Variants in STK36 observed in about 807,000 individuals in gnomAD.
STK36 encodes the protein serine/threonine kinase 36, also known as serine/threonine-protein kinase 36.
A neutral mutation model predicts 142.2 loss-of-function variants in STK36; 116 were observed. That is an observed-to-expected ratio of 0.82 (90% confidence interval 0.70 to 0.95). The LOEUF (loss-of-function observed/expected upper bound fraction) is 0.95, where lower values mean the gene tolerates loss of function less well. Among genes scored for constraint, STK36 ranks in the 40% least tolerant of loss-of-function variants. The pLI, the probability that STK36 is intolerant of heterozygous loss-of-function variation, is 0.00. For synonymous variants in STK36, 619 were observed against 641.7 expected, an observed-to-expected ratio of 0.96 and a Z score of 0.53; for missense variants, 1,422 against 1,617.2, an observed-to-expected ratio of 0.88 and a Z score of 2.07.
At chr2:218,687,680 T>A (rs1246057209) in intron 11 of STK36, among the ~76,000 whole-genome samples, 1 of 152,204 alleles carries the variant, frequency 6.6e-6, no homozygotes, top group Non-Finnish European at 1.5e-5. Flanking sequence ...AGCTGCGTGA[T>A]CTTGGACTAC....
In STK36 at chr2:218,699,159, G is replaced by C; in HGVS notation, c.3615G>C (p.Gln1205His). 6.2e-7 allele frequency: 1 copy of C among 1,614,090 alleles called. No homozygotes were observed. Among genetic ancestry groups the C allele is most frequent in the Non-Finnish European group, 8.5e-7 (1 of 1,180,022 alleles). The change falls in exon 26 of 27, where the codon CAG (glutamine) becomes CAC (histidine). Residue 1205 changes from glutamine to histidine, a missense_variant. Transcript: ENST00000295709. ...TGACCCAGCTGCTTGGAGATCCTCA[G>C]GCTGGTATCCGGCGCAATGTTGCAT... ...PSMTQLLGDPQAGIRRNVASA... is the reference protein window; with the variant it reads ...PSMTQLLGDPHAGIRRNVASA...
rs2106367347 is a variant in STK36, at chr2:218,698,784, CCTT to C, written c.3243_3245del (p.Leu1082del). ...GTGACCAGCCACTGTTGACCTCCGA[CCTT>C]CTCTCTCTGCTGGCCCATACTGCCA... On this transcript the variant is annotated inframe_deletion, in exon 26 of 27. Transcript: ENST00000295709. 1 of 1,614,234 alleles carries C rather than the reference CCTT, an allele frequency of 6.2e-7. No individual in the cohort carries two copies. The highest frequency in any genetic ancestry group is 8.5e-7 in the Non-Finnish European group (1 of 1,180,046).
Position 218,672,881 on chromosome 2 carries a change from G to C in STK36, c.52G>C (p.Val18Leu). The C allele has an allele frequency of 6.2e-7, 1 of 1,614,114 alleles. No individual in the cohort carries two copies. Among genetic ancestry groups the C allele is most frequent in the Non-Finnish European group, 8.5e-7 (1 of 1,180,004 alleles). The change falls in exon 2 of 27, where the codon GTG becomes CTG. Residue 18 changes from valine (V) to leucine (L), a missense_variant. Physicochemically the swap from Val to Leu is conservative, Grantham distance 32 (BLOSUM62 1). Coordinates refer to ENST00000295709, the MANE Select transcript of STK36 (RefSeq NM_015690.5). ...EMIGEGSFGR[V>L]YKGRRKYSAQ... is the part of the protein sequence containing the mutation. ...GATTGGAGAAGGCTCTTTTGGGAGG[G>C]TGTACAAGGGTCGAAGAAAATACAG...
chr2:218,697,729 G>A, intron 24 of STK36, 119 bp downstream of exon 24: 2 of 1,586,996 alleles, frequency 1.3e-6, no homozygotes, highest in Non-Finnish European at 8.6e-7. Flanking sequence ...TCAGGTTTAG[G>A]CTGGAAACCT....
At position 218,694,781 on chromosome 2, in the gene STK36, T is replaced by C; in HGVS notation, c.2511+146T>C. ...TCAAGGAGCCCTTCCTTTTCTAGAT[T>C]TGTCGCCGGATGATAGGCCCCTCTG... On this transcript the variant is annotated intron_variant, in intron 21 of 26. Coordinates refer to ENST00000295709, the MANE Select transcript of STK36 (RefSeq NM_015690.5). The surrounding 1 kb of genome is among the most constrained non-coding windows in gnomAD (Gnocchi z 4.4). 2 of 689,924 alleles carry C rather than the reference T, an allele frequency of 2.9e-6. No individual in the cohort carries two copies. The allele number at this position is 689,924 out of a possible 1,614,324, so 42.7% of individuals were successfully genotyped here.
In STK36 at chr2:218,702,079, C is replaced by T. The variant is rs1428881473; in HGVS notation, c.*70C>T. On this transcript the variant is annotated 3_prime_UTR_variant, in exon 27 of 27. Transcript: ENST00000295709. ...TTTCTTATTCTACTACACAAGCCGC[C>T]AACTCAACTGAGAGCTAAAGAGACT... is the stretch of plus-strand genomic sequence containing the variant. 1.9e-6 allele frequency: 3 copies of T among 1,572,278 alleles called. No homozygotes were observed. The Admixed American group carries it at 5.4e-5, about 28-fold the overall frequency.
Position 218,699,206 on chromosome 2 carries a change from C to G in STK36, c.3662C>G (p.Pro1221Arg). The G allele has an allele frequency of 1.2e-6, 2 of 1,614,006 alleles. No homozygotes were observed. Among genetic ancestry groups the G allele is most frequent in the Non-Finnish European group, 8.5e-7 (1 of 1,180,022 alleles). The change falls in exon 26 of 27, where the codon CCT (proline) becomes CGT (arginine). Residue 1221 changes from proline to arginine, a missense_variant. This residue lies in a region of STK36 where 962 missense variants were observed against 1,167.5 expected (regional missense o/e 0.82). Coordinates refer to ENST00000295709, the MANE Select transcript of STK36 (RefSeq NM_015690.5). ...GCATCAGCTCTGGGCAACTTGGGAC[C>G]TGAAGGTTTGGGAGAGGAGCTGTTA... The part of the protein sequence containing the change: ...NVASALGNLG[P>R]EGLGEELLQC...
intron 3 of STK36, 37 bp downstream of exon 3, chr2:218,673,802 C>T (rs749749790): frequency 3.7e-6 from 6 of 1,613,384 alleles, no homozygotes; most frequent in Non-Finnish European, 5.1e-6. Flanking sequence ...TCTCCCCAAG[C>T]ACAAGGGTTC....
chr2:218,693,010 T>G (rs1409141556), intron 16 of STK36, among the ~76,000 whole-genome samples: 4 of 152,182 alleles, frequency 2.6e-5, no homozygotes, highest in Non-Finnish European at 5.9e-5. Flanking sequence ...TGATCCCTGT[T>G]GGTCGGTAAT....
chr2:218,680,064 G>T lies in STK36; in HGVS notation c.1120G>T (p.Val374Leu). The T allele has an allele frequency of 1.2e-6, 2 of 1,614,148 alleles. No individual in the cohort carries two copies. The highest frequency in any genetic ancestry group is 1.7e-6 in the Non-Finnish European group (2 of 1,180,034). Residue 374 changes from valine to leucine, a missense_variant, in exon 9 of 27, where the codon GTG becomes TTG. Around this residue, in one of 2 missense-constraint regions of STK36, gnomAD observed 962 missense variants for 1,167.5 expected, o/e 0.82. Transcript: ENST00000295709. ...SSWAKSGTGE[V>L]PSAPRENRTT... ...CTGGGCTAAATCAGGGACTGGAGAGGTGCCCTCTGCACCTCGGTGAGAAGG... is the reference window on the plus strand; with the variant it reads ...CTGGGCTAAATCAGGGACTGGAGAGTTGCCCTCTGCACCTCGGTGAGAAGG...
chr2:218,678,224 A>G (rs1575123365), intron 6 of STK36, among the ~76,000 whole-genome samples: 1 of 152,176 alleles, frequency 6.6e-6, no homozygotes, highest in African/African-American at 2.4e-5. Context: ...AGTTAGGATT[A>G]CAAGCATGAG....
intron 26 of STK36, among the ~76,000 whole-genome samples, 192 bp downstream of exon 26, chr2:218,699,540 A>T (rs1353862884): frequency 6.6e-6 from 1 of 152,092 alleles, no homozygotes; most frequent in Non-Finnish European, 1.5e-5. Context: ...GAGCTAGAAG[A>T]GGGCTCCAAT....
intron 10 of STK36, 61 bp downstream of exon 10, chr2:218,680,763 T>A: frequency 6.8e-7 from 1 of 1,460,380 alleles, no homozygotes; most frequent in Non-Finnish European, 9.4e-7. Context: ...TCTAGGTAGA[T>A]GTTTTTCTAG....
In STK36 at chr2:218,690,661, A is replaced by C. The variant is rs376817391; in HGVS notation, c.1764+106A>C. On this transcript the variant is annotated intron_variant, in intron 14 of 26. Transcript: ENST00000295709. Reference sequence around the variant, plus strand: ...GGGTCAGATCAAGTTAATATGACAAACATTTGTTAAATTCCCACCATGCCA... The same window carrying C: ...GGGTCAGATCAAGTTAATATGACAACCATTTGTTAAATTCCCACCATGCCA... The C allele has an allele frequency of 2.6e-5, 24 of 909,310 alleles. No homozygotes were observed. The African/African-American group carries it at 3.3e-4, about 13-fold the overall frequency. 56.3% of individuals were successfully genotyped at this position (909,310 alleles called of 1,614,324 possible).
chr2:218,672,809 A>C lies in STK36; in HGVS notation c.-21A>C. On this transcript the variant is annotated 5_prime_UTR_variant, in exon 2 of 27. The change abolishes the stop of an existing upstream ORF in the 5' untranslated region. Transcript: ENST00000295709. ...CACCGTCTCTACTTTCTTCCTTCTAAGAGATCCTGAAACCTCTGTCATGGA... is the reference window on the plus strand; with the variant it reads ...CACCGTCTCTACTTTCTTCCTTCTACGAGATCCTGAAACCTCTGTCATGGA... The C allele has an allele frequency of 1.2e-6, 2 of 1,612,486 alleles. No individual in the cohort carries two copies. Among genetic ancestry groups the C allele is most frequent in the Non-Finnish European group, 1.7e-6 (2 of 1,178,608 alleles).
chr2:218,691,190 A>G (rs1940984501), intron 14 of STK36, among the ~76,000 whole-genome samples: 1 of 152,180 alleles, frequency 6.6e-6, no homozygotes, highest in Non-Finnish European at 1.5e-5. Flanking sequence ...ATGAGAAAAT[A>G]GCTGTGTTCT....
intron 6 of STK36, 101 bp from the exon 7 acceptor site, chr2:218,679,066 TG>T: frequency 9.1e-7 from 1 of 1,097,708 alleles, no homozygotes; most frequent in Non-Finnish European, 1.3e-6. Context: ...GCTCATCTGC[TG>T]TGAGGATGGA....
Position 218,688,770 on chromosome 2 carries a change from G to C in STK36, c.1454G>C (p.Ser485Thr), listed in dbSNP as rs1940879376. The C allele has an allele frequency of 6.2e-7, 1 of 1,614,080 alleles. No individual in the cohort carries two copies. The highest frequency in any genetic ancestry group is 1.7e-5 in the Admixed American group (1 of 60,000). Residue 485 changes from serine to threonine, a missense_variant, in exon 12 of 27, where the codon AGC becomes ACC. By Grantham distance (58) the Ser-to-Thr change is moderately conservative. Coordinates refer to ENST00000295709, the MANE Select transcript of STK36 (RefSeq NM_015690.5). ...CGGGTCCTGAGCAGTCTTCTCTCCA[G>C]CTGCAGTGATTCTGTTGCCTTGTAT... ...AFRVLSSLLS[S>T]CSDSVALYSF...
intron 10 of STK36, among the ~76,000 whole-genome samples, chr2:218,681,093 T>C (rs1940498096): frequency 6.6e-6 from 1 of 152,130 alleles, no homozygotes; most frequent in Non-Finnish European, 1.5e-5. Context: ...TAATCTGGGA[T>C]CTTTCTACAC....
Sources: gnomAD v4.1 joint callset for allele counts (sites outside exome capture counted in the v4.1 genomes callset) on GRCh38, gnomAD v4.1.1 for gene constraint, gnomAD v4.1.1 regional missense constraint, Gnocchi (gnomAD v3.1) non-coding constraint, MANE v1.5 for transcripts, NCBI Gene and HGNC (gene_info 2026-07-23, HGNC 2026-07-21) for gene names.